The following MGAT4C variants were observed in gnomAD, a reference collection of about 807,000 sequenced individuals.
MGAT4C encodes alpha-1,3-mannosyl-glycoprotein 4-beta-N-acetylglucosaminyltransferase C.
In MGAT4C, 19 loss-of-function variants were observed where a neutral mutation model predicts 40.1. The observed-to-expected ratio is 0.47, with a 90% CI of 0.33 to 0.70. MGAT4C has a LOEUF of 0.70. Ranked by LOEUF, MGAT4C falls within the 30% of genes least tolerant of loss-of-function variation. MGAT4C has a pLI of 0.02. For synonymous variants in MGAT4C, 181 were observed against 187.1 expected (o/e 0.97, Z 0.27); for missense variants, 491 against 563.2 (o/e 0.87, Z 1.30).
At chr12:86,122,827 G>T (rs1409059823) in intron 1 of MGAT4C, among the ~76,000 whole-genome samples, 1 of 152,028 alleles carries the variant, frequency 6.6e-6, no homozygotes, top group Admixed American at 6.6e-5. Flanking sequence ...CAAAATGATA[G>T]TATTCTTAAT....
Position 86,271,385 on chromosome 12 carries a change from GAAA to G in MGAT4C, c.-57+62677_-57+62679del, listed in dbSNP as rs1220926199. ...GGACATGAATAGATATTTTTCAGAAGAAAACACAAATGGCCACAGGTGTATAAA... is the reference window on the plus strand; with the variant it reads ...GGACATGAATAGATATTTTTCAGAAGACACAAATGGCCACAGGTGTATAAA... On this transcript the variant is annotated intron_variant, in intron 4 of 7. Transcript: ENST00000548651. Among the ~76,000 whole-genome samples the G allele has an allele frequency of 3.3e-5, 5 of 152,220 alleles. No individual in the cohort carries two copies. In the East Asian group the frequency reaches 7.7e-4, roughly 23 times the overall value.
At chr12:86,254,131 T>A (rs1007573209) in intron 1 of MGAT4C, among the ~76,000 whole-genome samples, 1 of 151,970 alleles carries the variant, frequency 6.6e-6, no homozygotes, top group African/African-American at 2.4e-5. Context: ...ATCATTTATT[T>A]ATGTCACCCT....
At chr12:86,616,344 T>C (rs1050890925) in intron 2 of MGAT4C, among the ~76,000 whole-genome samples, 2 of 152,106 alleles carry the variant, frequency 1.3e-5, no homozygotes, top group Non-Finnish European at 2.9e-5. Flanking sequence ...AAATTAATAA[T>C]CTACTAGAAC....
chr12:86,648,138 GT>G (rs1243906646), intron 2 of MGAT4C, among the ~76,000 whole-genome samples: 1 of 151,634 alleles, frequency 6.6e-6, no homozygotes, highest in East Asian at 1.9e-4. Context: ...TATGTTTAGG[GT>G]TATTTATTCA....
intron 2 of MGAT4C, among the ~76,000 whole-genome samples, chr12:86,536,371 G>A (rs990049159): frequency 2.6e-5 from 4 of 152,166 alleles, no homozygotes; most frequent in Admixed American, 2.6e-4. Flanking sequence ...ATCCTTGATG[G>A]AAGCATAGTC....
intron 2 of MGAT4C, among the ~76,000 whole-genome samples, chr12:86,707,718 A>G (rs1950486956): frequency 6.6e-6 from 1 of 151,776 alleles, no homozygotes; most frequent in African/African-American, 2.4e-5. Context: ...TTTAGTAGAG[A>G]TGGGATTTCA....
At chr12:86,141,432 T>A (rs1229302120) in intron 1 of MGAT4C, among the ~76,000 whole-genome samples, 1 of 152,190 alleles carries the variant, frequency 6.6e-6, no homozygotes, top group Non-Finnish European at 1.5e-5. Flanking sequence ...ACTGGAAAAT[T>A]TGAGTGAAGA....
At chr12:86,712,463 A>C (rs1188419952) in intron 2 of MGAT4C, among the ~76,000 whole-genome samples, 1 of 152,134 alleles carries the variant, frequency 6.6e-6, no homozygotes, top group Non-Finnish European at 1.5e-5. Flanking sequence ...GTGGGGAAAG[A>C]AATATGCTGG....
intron 2 of MGAT4C, among the ~76,000 whole-genome samples, chr12:86,593,395 T>C (rs1034371151): frequency 9.2e-5 from 14 of 152,132 alleles, no homozygotes; most frequent in African/African-American, 2.9e-4. Context: ...TAATTTTCAA[T>C]ATTTTCTACT....
chr12:86,112,018 C>G (rs1877511233), intron 1 of MGAT4C, among the ~76,000 whole-genome samples: 3 of 151,826 alleles, frequency 2.0e-5, no homozygotes, highest in Admixed American at 2.0e-4. Flanking sequence ...TGCAAGTATA[C>G]ATATGTATAT....
chr12:86,707,961 G>A (rs2702777), intron 2 of MGAT4C, among the ~76,000 whole-genome samples: 1 of 152,198 alleles, frequency 6.6e-6, no homozygotes, highest in African/African-American at 2.4e-5. Flanking sequence ...TGATAGAAAA[G>A]AAAATCCCAT....
At chr12:86,315,663 GCCC>G (rs1291797869) in intron 4 of MGAT4C, among the ~76,000 whole-genome samples, 1 of 152,060 alleles carries the variant, frequency 6.6e-6, no homozygotes, top group East Asian at 1.9e-4. Flanking sequence ...CCGAGATCGC[GCCC>G]CTGCACTCCA....
intron 2 of MGAT4C, among the ~76,000 whole-genome samples, chr12:86,034,522 C>A (rs894405935): frequency 2.7e-5 from 4 of 148,626 alleles, no homozygotes; most frequent in African/African-American, 9.7e-5. Context: ...GATTTTCTAC[C>A]TTGTGTGCAT....
At chr12:86,420,776 C>CATATATATATATATAT (rs55902338) in intron 3 of MGAT4C, among the ~76,000 whole-genome samples, 2 of 144,200 alleles carry the variant, frequency 1.4e-5, no homozygotes, top group African/African-American at 5.2e-5. Context: ...ATTTACCTGA[C>CATATATATATATATAT]ATATATATAT....
intron 1 of MGAT4C, among the ~76,000 whole-genome samples, chr12:86,090,919 C>G (rs1190459144): frequency 6.6e-6 from 1 of 151,688 alleles, no homozygotes; most frequent in African/African-American, 2.4e-5. Flanking sequence ...TTTAATTTAC[C>G]ATTTAAGAAG....
Position 85,983,554 on chromosome 12 carries a change from G to T in MGAT4C, c.264C>A (p.Arg88=), listed in dbSNP as rs758123335. The change falls in exon 4 of 5, where the codon CGC becomes CGA. Residue 88 remains arginine, a synonymous_variant. Transcript: ENST00000611864. The stretch of plus-strand genomic sequence containing the variant: ...TTTGTAAAGGTGTGGCAGCTAGGTA[G>T]CGATAGGTGACATTTATGGCTCCTG... ...NFSGAINVTY[R]YLAATPLQRK... 5.0e-6 allele frequency: 8 copies of T among 1,590,158 alleles called. No homozygotes were observed. The African/African-American group carries it at 9.5e-5, about 19-fold the overall frequency.
At chr12:86,517,108 G>C (rs943379245) in intron 2 of MGAT4C, among the ~76,000 whole-genome samples, 2 of 152,136 alleles carry the variant, frequency 1.3e-5, no homozygotes, top group Non-Finnish European at 2.9e-5. Context: ...AAATGGTACA[G>C]CAATTATGGA....
intron 3 of MGAT4C, among the ~76,000 whole-genome samples, chr12:86,432,235 C>A (rs751996810): frequency 2.6e-5 from 4 of 151,850 alleles, no homozygotes; most frequent in Admixed American, 6.6e-5. Context: ...AAGGATTGTG[C>A]AAATTTAGAG....
chr12:86,437,493 T>C (rs1957156158), intron 2 of MGAT4C, among the ~76,000 whole-genome samples: 1 of 151,816 alleles, frequency 6.6e-6, no homozygotes, highest in South Asian at 2.1e-4. Flanking sequence ...TCATAACATA[T>C]CATATTAGTT....
Sources: gnomAD v4.1 joint callset for allele counts (sites outside exome capture counted in the v4.1 genomes callset) on GRCh38, gnomAD v4.1.1 for gene constraint, MANE v1.5 for transcripts, NCBI Gene and HGNC (gene_info 2026-07-23, HGNC 2026-07-21) for gene names.